Variants in ZNF469 observed in about 807,000 individuals in gnomAD.
The protein encoded by ZNF469 is zinc finger protein 469.
In ZNF469, 1 loss-of-function variant was observed where a neutral mutation model predicts 1.0. The ratio of observed to expected loss-of-function variants is 1.00; its 90% confidence interval spans 0.35 to 4.73. The LOEUF (loss-of-function observed/expected upper bound fraction) is 4.73, where lower values mean the gene tolerates loss of function less well. Among genes scored for constraint, ZNF469 ranks in the 30% most tolerant of loss-of-function variants. The probability of loss-of-function intolerance (pLI) is 0.16; values close to 1 mark genes in which losing one functional copy is unlikely to be tolerated. For missense variants in ZNF469, 6,100 were observed against 5,356.3 expected (o/e 1.14, Z -4.33); for synonymous variants, 2,703 against 2,363.4 (o/e 1.14, Z -4.17).
At chr16:88,232,065 G>A in the ZNF469 span, among the ~76,000 whole-genome samples, 1 of 152,164 alleles carries the variant, frequency 6.6e-6, no homozygotes, top group Non-Finnish European at 1.5e-5. Flanking sequence ...TGGAGGGAAG[G>A]CAGGGCGGGC....
At chr16:88,410,315 A>G (rs1162828473) in intron 1 of ZNF469, among the ~76,000 whole-genome samples, 2 of 147,694 alleles carry the variant, frequency 1.4e-5, no homozygotes, top group African/African-American at 2.5e-5. Context: ...ACACAGTGAC[A>G]TCTATGGTGC....
the ZNF469 span, among the ~76,000 whole-genome samples, chr16:88,376,632 C>T: frequency 7.2e-5 from 11 of 152,242 alleles, no homozygotes; most frequent in Admixed American, 4.6e-4. Context: ...TGAAGGTCTG[C>T]GAGGGCTGAG....
chr16:88,292,115 G>A, the ZNF469 span, among the ~76,000 whole-genome samples: 2 of 152,194 alleles, frequency 1.3e-5, no homozygotes, highest in Admixed American at 1.3e-4. Flanking sequence ...TGCCATGTGG[G>A]GCCTGGAGAA....
Position 88,427,866 on chromosome 16 carries a change from C to T in ZNF469, c.396C>T (p.Thr132=). 6.5e-7 allele frequency: 1 copy of T among 1,549,640 alleles called. No individual in the cohort carries two copies. ...LGIASSRTKP[T]LDETPENPQL... ...TCGCCAGCTCGAGGACCAAGCCCAC[C>T]CTGGACGAGACACCAGAGAACCCAC... is the stretch of plus-strand genomic sequence containing the variant. The change falls in exon 3 of 3, where the codon ACC becomes ACT. Residue 132 remains threonine (T), a synonymous_variant. Transcript: ENST00000565624.
the ZNF469 span, among the ~76,000 whole-genome samples, chr16:88,374,834 G>T: frequency 1.3e-5 from 2 of 152,222 alleles, no homozygotes; most frequent in Non-Finnish European, 2.9e-5. Flanking sequence ...GCTCTGAGGC[G>T]TGCTGGTTTT....
chr16:88,133,785 T>C, the ZNF469 span, among the ~76,000 whole-genome samples: 1,347 of 152,272 alleles, frequency 8.8e-3, 15 homozygotes, highest in African/African-American at 0.031. Flanking sequence ...TTTCTGATTG[T>C]ACATTATGCA....
the ZNF469 span, among the ~76,000 whole-genome samples, chr16:88,103,373 G>C: frequency 6.6e-6 from 1 of 152,248 alleles, no homozygotes; most frequent in Non-Finnish European, 1.5e-5. Flanking sequence ...AAGCTGGTCT[G>C]AGCTCTCCAC....
the ZNF469 span, among the ~76,000 whole-genome samples, chr16:88,306,166 C>G: frequency 6.6e-6 from 1 of 152,248 alleles, no homozygotes; most frequent in Non-Finnish European, 1.5e-5. Context: ...GAAGCAGCCT[C>G]CTGTCCATGG....
the ZNF469 span, among the ~76,000 whole-genome samples, chr16:88,289,575 T>G: frequency 6.6e-6 from 1 of 152,196 alleles, no homozygotes; most frequent in Non-Finnish European, 1.5e-5. Flanking sequence ...CCATCACCAC[T>G]CCATGAGCAA....
At chr16:88,265,380 C>T in the ZNF469 span, among the ~76,000 whole-genome samples, 1 of 152,188 alleles carries the variant, frequency 6.6e-6, no homozygotes, top group Non-Finnish European at 1.5e-5. Flanking sequence ...AGCCTCACCC[C>T]GAGGGCTGCG....
chr16:88,135,088 C>T, the ZNF469 span, among the ~76,000 whole-genome samples: 72 of 152,362 alleles, frequency 4.7e-4, no homozygotes, highest in Admixed American at 7.2e-4. Context: ...GCAGAAGGGG[C>T]TCCTGACCAC....
chr16:88,336,879 C>A, the ZNF469 span, among the ~76,000 whole-genome samples: 3 of 152,322 alleles, frequency 2.0e-5, no homozygotes, highest in Middle Eastern at 0.01. Context: ...GTTCCCCCAG[C>A]CCCTGGCCAC....
chr16:88,378,800 T>G (rs776978687), upstream of ZNF469, among the ~76,000 whole-genome samples: 4 of 152,200 alleles, frequency 2.6e-5, no homozygotes, highest in Non-Finnish European at 4.4e-5. Flanking sequence ...AAAGAGCCCA[T>G]GAGATCACAG....
the ZNF469 span, among the ~76,000 whole-genome samples, chr16:88,235,161 G>A: frequency 4.6e-5 from 7 of 152,280 alleles, no homozygotes; most frequent in East Asian, 3.9e-4. Flanking sequence ...GTTTCATTTC[G>A]CACCGGGCCT....
chr16:88,181,302 C>T, the ZNF469 span, among the ~76,000 whole-genome samples: 2 of 151,084 alleles, frequency 1.3e-5, no homozygotes, highest in Non-Finnish European at 1.5e-5. Flanking sequence ...GATCTCCTGA[C>T]CTCGTGATCC....
At chr16:88,121,845 G>A in the ZNF469 span, among the ~76,000 whole-genome samples, 2 of 152,168 alleles carry the variant, frequency 1.3e-5, no homozygotes, top group African/African-American at 2.4e-5. Context: ...GTCAAAATAC[G>A]CTTCTTTTTT....
chr16:88,220,809 C>A, the ZNF469 span, among the ~76,000 whole-genome samples: 3 of 152,208 alleles, frequency 2.0e-5, no homozygotes, highest in Non-Finnish European at 2.9e-5. Context: ...AACATTCCCC[C>A]ACAAGGGGAT....
At chr16:88,274,473 G>A in the ZNF469 span, among the ~76,000 whole-genome samples, 1 of 152,232 alleles carries the variant, frequency 6.6e-6, no homozygotes, top group Non-Finnish European at 1.5e-5. Flanking sequence ...GTTGCATGAA[G>A]TCACATGCTT....
At chr16:88,101,637 C>G in the ZNF469 span, among the ~76,000 whole-genome samples, 12 of 151,814 alleles carry the variant, frequency 7.9e-5, 1 homozygote, top group South Asian at 6.2e-4. Context: ...TTGGGGCTTG[C>G]AAGTCCACAG....
Sources: gnomAD v4.1 joint callset for allele counts (sites outside exome capture counted in the v4.1 genomes callset) on GRCh38, gnomAD v4.1.1 for gene constraint, MANE v1.5 for transcripts, NCBI Gene and HGNC (gene_info 2026-07-23, HGNC 2026-07-21) for gene names.